PBX1: variants seen among roughly 807,000 people sequenced by gnomAD.
PBX1 encodes the protein PBX homeobox 1.
In PBX1, 6 loss-of-function variants were observed where a neutral mutation model predicts 53.4. The observed-to-expected ratio is 0.11, with a 90% CI of 0.06 to 0.22. The LOEUF (loss-of-function observed/expected upper bound fraction) is 0.22. Among genes scored for constraint, PBX1 ranks in the 10% least tolerant of loss-of-function variants. The probability of loss-of-function intolerance (pLI) is 1.00; values close to 1 mark genes in which losing one functional copy is unlikely to be tolerated. For missense variants in PBX1, 251 were observed against 551.4 expected, an observed-to-expected ratio of 0.46 and a Z score of 5.46; for synonymous variants, 204 against 212.3, an observed-to-expected ratio of 0.96 and a Z score of 0.34.
chr1:164,794,036 A>G (rs1668665007), intron 3 of PBX1, among the ~76,000 whole-genome samples: 1 of 151,280 alleles, frequency 6.6e-6, no homozygotes, highest in African/African-American at 2.4e-5. Flanking sequence ...CAGCATACCC[A>G]GCTAATCTTT....
chr1:164,837,857 A>G (rs1671114130), intron 8 of PBX1, among the ~76,000 whole-genome samples: 1 of 152,220 alleles, frequency 6.6e-6, no homozygotes, highest in African/African-American at 2.4e-5. Flanking sequence ...ACTCAACCCA[A>G]AACCTGGAAA....
chr1:164,856,693 T>C (rs1371264679), downstream of PBX1, among the ~76,000 whole-genome samples: 2 of 152,186 alleles, frequency 1.3e-5, no homozygotes, highest in East Asian at 1.9e-4. Flanking sequence ...TGTTTCTCTA[T>C]ACATATAACT....
chr1:164,786,720 T>TGTGTGTGTGTGTGTGC (rs1357886882), intron 2 of PBX1, among the ~76,000 whole-genome samples: 6 of 116,256 alleles, frequency 5.2e-5, no homozygotes, highest in African/African-American at 2.1e-4. Context: ...TGTGTGTGTG[T>TGTGTGTGTGTGTGTGC]GCGCGCGCAC....
At chr1:164,795,331 G>A (rs1668727545) in intron 3 of PBX1, among the ~76,000 whole-genome samples, 1 of 152,118 alleles carries the variant, frequency 6.6e-6, no homozygotes, top group Admixed American at 6.5e-5. Context: ...TCGACAATGG[G>A]GTAAGCAGGT....
chr1:164,690,983 A>G (rs73023293), intron 2 of PBX1, among the ~76,000 whole-genome samples: 2,278 of 143,940 alleles, frequency 0.016, 64 homozygotes, highest in African/African-American at 0.054. Flanking sequence ...TCAAGGATGC[A>G]TTGTAAAGTG....
chr1:164,837,463 C>A lies in PBX1; in HGVS notation c.1201-9121C>A, dbSNP rs540455795. 9.2e-5 allele frequency among the ~76,000 whole-genome samples: 14 copies of A among 152,268 alleles called. No individual in the cohort carries two copies. The East Asian group carries it at 2.1e-3, about 23-fold the overall frequency. ...TAGCATCTGTGTGTCTGTCTATATT[C>A]TTTAGGTAGTATGAGTACATTCGAA... On this transcript the variant is annotated intron_variant, in intron 8 of 8. Coordinates refer to ENST00000420696, the MANE Select transcript of PBX1 (RefSeq NM_002585.4).
intron 2 of PBX1, among the ~76,000 whole-genome samples, chr1:164,782,631 A>G (rs552847163): frequency 4.6e-5 from 7 of 152,330 alleles, no homozygotes; most frequent in African/African-American, 1.7e-4. Flanking sequence ...TCTTTATTTC[A>G]AACTTAGTTC....
intron 3 of PBX1, among the ~76,000 whole-genome samples, 200 bp from the exon 4 acceptor site, chr1:164,799,495 AAAAT>A (rs1668961038): frequency 1.3e-5 from 2 of 152,246 alleles, no homozygotes; most frequent in South Asian, 2.1e-4. Context: ...CGTCTCAAAA[AAAAT>A]AAATAAATAA....
chr1:164,738,051 GC>G lies in PBX1; in HGVS notation c.266-54442del, dbSNP rs1571314574. On this transcript the variant is annotated intron_variant, in intron 2 of 8. Transcript: ENST00000420696. ...TTTTCATGTGTAATCTAAAAATAAT[GC>G]TTTGAGATGTATCTACATTGTTGCT... is the stretch of plus-strand genomic sequence containing the variant. Among the ~76,000 whole-genome samples, 3 of 151,980 alleles carry G rather than the reference GC, an allele frequency of 2.0e-5. No individual in the cohort carries two copies. In the East Asian group the frequency reaches 5.8e-4, roughly 29 times the overall value.
chr1:164,726,804 G>A (rs762411420), intron 2 of PBX1, among the ~76,000 whole-genome samples: 1 of 152,158 alleles, frequency 6.6e-6, no homozygotes, highest in African/African-American at 2.4e-5. Flanking sequence ...ACATCTAGGG[G>A]ATCTAGAGGC....
At chr1:164,740,071 A>T (rs540548795) in intron 2 of PBX1, among the ~76,000 whole-genome samples, 1 of 152,326 alleles carries the variant, frequency 6.6e-6, no homozygotes, top group South Asian at 2.1e-4. Context: ...TGTCTGAAGA[A>T]GAAACAGAAT....
At chr1:164,582,366 AG>A (rs1173768749) in intron 2 of PBX1, among the ~76,000 whole-genome samples, 1 of 152,166 alleles carries the variant, frequency 6.6e-6, no homozygotes, top group Non-Finnish European at 1.5e-5. Context: ...CAGTTATTTA[AG>A]GAGAAGCAGA....
At chr1:164,565,438 C>CACAA (rs1653367064) in intron 2 of PBX1, among the ~76,000 whole-genome samples, 1 of 151,822 alleles carries the variant, frequency 6.6e-6, no homozygotes, top group Non-Finnish European at 1.5e-5. Context: ...CACACACACA[C>CACAA]ACACACACAC....
In PBX1 at chr1:164,884,120, A is replaced by G. The variant is rs182341750; in HGVS notation, n.258-15068A>G. 9.8e-5 allele frequency among the ~76,000 whole-genome samples: 15 copies of G among 152,356 alleles called. No individual in the cohort carries two copies. In the East Asian group the frequency reaches 2.7e-3, roughly 27 times the overall value. On this transcript the variant is annotated intron_variant and non_coding_transcript_variant, in intron 2 of 2. Coordinates refer to the PBX1 transcript ENST00000558796. ...TACTAGGATCAGTTGCTTCATCTGTAAAACACGGGTAATAATAACTATTTC... is the reference window on the plus strand; with the variant it reads ...TACTAGGATCAGTTGCTTCATCTGTGAAACACGGGTAATAATAACTATTTC...
intron 1 of PBX1, among the ~76,000 whole-genome samples, chr1:164,561,297 A>G (rs2101682757): frequency 6.6e-6 from 1 of 152,356 alleles, no homozygotes; most frequent in East Asian, 1.9e-4. Flanking sequence ...GAAGCAGTTA[A>G]AAACATAGAT....
At chr1:164,784,682 A>T (rs1212715588) in intron 2 of PBX1, among the ~76,000 whole-genome samples, 1 of 152,218 alleles carries the variant, frequency 6.6e-6, no homozygotes, top group Non-Finnish European at 1.5e-5. Context: ...AAAACGAGTG[A>T]ATCTAAGAGC....
At chr1:164,870,263 T>C (rs1341055652) in intron 2 of PBX1, among the ~76,000 whole-genome samples, 104 of 77,032 alleles carry the variant, frequency 1.4e-3, no homozygotes, top group African/African-American at 5.7e-3. Context: ...CCTTCCTTCC[T>C]TCCTTCTTTC....
Position 164,882,769 on chromosome 1 carries a change from T to TA in PBX1, n.258-16417dup, listed in dbSNP as rs745544482. On this transcript the variant is annotated intron_variant and non_coding_transcript_variant, in intron 2 of 2. Transcript: ENST00000558796. ...ATGTAATTATAATCAAGGACATCAG[T>TA]AACATCAAGGAGAGGAACAGGTGTA... Among the ~76,000 whole-genome samples, 22 of 152,238 alleles carry TA rather than the reference T, an allele frequency of 1.4e-4. No individual in the cohort carries two copies. In the East Asian group the frequency reaches 3.7e-3, roughly 25 times the overall value.
chr1:164,590,225 G>T, intron 2 of PBX1: 1 of 372,970 alleles, frequency 2.7e-6, no homozygotes, highest in Non-Finnish European at 5.2e-6. Context: ...AAAAAAAAAA[G>T]CTGGGGGTCA....
Sources: gnomAD v4.1 joint callset for allele counts (sites outside exome capture counted in the v4.1 genomes callset) on GRCh38, gnomAD v4.1.1 for gene constraint, MANE v1.5 for transcripts, NCBI Gene and HGNC (gene_info 2026-07-23, HGNC 2026-07-21) for gene names.